Variants in WDR70 observed in about 807,000 individuals in gnomAD.
WDR70 encodes WD repeat-containing protein 70.
A neutral mutation model predicts 88.6 loss-of-function variants in WDR70; 53 were observed. That is an observed-to-expected ratio of 0.60 (90% CI 0.48 to 0.75). The LOEUF (loss-of-function observed/expected upper bound fraction) is 0.75, where lower values mean the gene tolerates loss of function less well. Among genes scored for constraint, WDR70 ranks in the 30% least tolerant of loss-of-function variants. WDR70 has a pLI of 0.00. For synonymous variants in WDR70, 280 were observed against 270.0 expected (o/e 1.04, Z -0.36); for missense variants, 610 against 823.2 (o/e 0.74, Z 3.17).
At chr5:37,668,935 C>G (rs1477615855) in intron 10 of WDR70, among the ~76,000 whole-genome samples, 6 of 152,174 alleles carry the variant, frequency 3.9e-5, no homozygotes, top group Non-Finnish European at 8.8e-5. Context: ...AAGTAGAGAA[C>G]CCTCCTGGAA....
chr5:37,434,790 T>C (rs1750419935), intron 5 of WDR70, among the ~76,000 whole-genome samples: 1 of 152,260 alleles, frequency 6.6e-6, no homozygotes, highest in Admixed American at 6.5e-5. Flanking sequence ...CTCTCTTCCA[T>C]TGGGACTGTA....
chr5:37,415,795 G>T lies in WDR70; in HGVS notation c.492+19225G>T, dbSNP rs1447266075. On this transcript the variant is annotated intron_variant, in intron 5 of 17. Transcript: ENST00000265107. ...CGGAGGGTCTCCTCACTTCTCAGAC[G>T]GGGCGGCCGGGCAGAGACGCTCCTC... Among the ~76,000 whole-genome samples the T allele has an allele frequency of 1.9e-3, 199 of 103,054 alleles. 2 individuals are homozygous for T. Among genetic ancestry groups the T allele is most frequent in the South Asian group, 6.2e-3 (17 of 2,764 alleles). 67.6% of individuals were successfully genotyped at this position (103,054 alleles called of 152,430 possible).
At chr5:37,581,787 A>G (rs1249410346) in intron 9 of WDR70, among the ~76,000 whole-genome samples, 3 of 152,200 alleles carry the variant, frequency 2.0e-5, no homozygotes, top group Admixed American at 2.0e-4. Context: ...AACTATACAC[A>G]GATCTAGAGG....
chr5:37,535,910 A>G (rs1295528713), intron 9 of WDR70, among the ~76,000 whole-genome samples: 1 of 152,238 alleles, frequency 6.6e-6, no homozygotes, highest in Non-Finnish European at 1.5e-5. Flanking sequence ...TGTACACTTT[A>G]TGAATGGTTG....
chr5:37,734,311 G>C (rs888954709), intron 17 of WDR70, among the ~76,000 whole-genome samples: 2 of 151,948 alleles, frequency 1.3e-5, no homozygotes, highest in African/African-American at 4.8e-5. Context: ...TCAAATATCA[G>C]CAGTTTTATA....
chr5:37,564,024 C>T (rs1165741844), intron 9 of WDR70, among the ~76,000 whole-genome samples: 15 of 149,258 alleles, frequency 1.0e-4, no homozygotes, highest in African/African-American at 3.4e-4. Context: ...CGGGCAGAGA[C>T]GCTCCTCACT....
In WDR70 at chr5:37,487,619, A is replaced by G. The variant is rs201867604; in HGVS notation, c.840+7632A>G. Among the ~76,000 whole-genome samples the G allele has an allele frequency of 9.5e-3, 885 of 93,494 alleles. 11 individuals are homozygous for G. The highest frequency in any genetic ancestry group is 0.036 in the African/African-American group (840 of 23,176). The allele number at this position is 93,494 out of a possible 152,430, so 61.3% of individuals were successfully genotyped here. On this transcript the variant is annotated intron_variant, in intron 8 of 17. Coordinates refer to ENST00000265107, the MANE Select transcript of WDR70 (RefSeq NM_018034.4). The stretch of plus-strand genomic sequence containing the variant: ...TATATAAATATATATATATATATAT[A>G]TATATGTATTTTTTTTTTTTTTTTT...
chr5:37,734,183 A>C (rs1358069193), intron 17 of WDR70, among the ~76,000 whole-genome samples: 1 of 152,112 alleles, frequency 6.6e-6, no homozygotes, highest in Non-Finnish European at 1.5e-5. Context: ...GACTGCTGCC[A>C]GAACAATTTA....
intron 6 of WDR70, among the ~76,000 whole-genome samples, chr5:37,442,033 A>ATT (rs545329551): frequency 2.6e-5 from 3 of 116,532 alleles, no homozygotes; most frequent in African/African-American, 9.2e-5. Flanking sequence ...AGGGAAAGCA[A>ATT]TTTTTTTTTT....
At chr5:37,472,095 G>A (rs1371156923) in intron 7 of WDR70, among the ~76,000 whole-genome samples, 2 of 151,748 alleles carry the variant, frequency 1.3e-5, no homozygotes, top group Non-Finnish European at 2.9e-5. Flanking sequence ...TTGCCAGGAG[G>A]TTTTATGAAA....
chr5:37,442,233 C>T (rs1466954686), intron 6 of WDR70, among the ~76,000 whole-genome samples: 3 of 151,836 alleles, frequency 2.0e-5, no homozygotes. Flanking sequence ...GATGGGGTTT[C>T]TCCATGTTGG....
At chr5:37,428,339 A>G (rs1750198794) in intron 5 of WDR70, among the ~76,000 whole-genome samples, 1 of 152,244 alleles carries the variant, frequency 6.6e-6, no homozygotes, top group Non-Finnish European at 1.5e-5. Context: ...AATTTTAAAA[A>G]TGTAAGCATC....
Position 37,381,650 on chromosome 5 carries a change from G to A in WDR70, c.140G>A (p.Arg47Gln), listed in dbSNP as rs772078372. 8.7e-6 allele frequency: 14 copies of A among 1,611,958 alleles called. No homozygotes were observed. The highest frequency in any genetic ancestry group is 1.2e-5 in the Non-Finnish European group (14 of 1,178,524). The change falls in exon 3 of 18, where the codon CGA (arginine) becomes CAA (glutamine). Residue 47 changes from arginine to glutamine, a missense_variant. Around this residue, in one of 4 missense-constraint regions of WDR70, gnomAD observed 203 missense variants for 228.1 expected, o/e 0.89. Transcript: ENST00000265107. ...TTGGAAGCAATGTTTGAACAAACTCGAAGGACAGCTGTGGAAAGAAGTCGC... is the reference window on the plus strand; with the variant it reads ...TTGGAAGCAATGTTTGAACAAACTCAAAGGACAGCTGTGGAAAGAAGTCGC... ...FDLEAMFEQT[R>Q]RTAVERSRKT... is the part of the protein sequence containing the mutation.
intron 9 of WDR70, among the ~76,000 whole-genome samples, chr5:37,516,969 G>T (rs993028943): frequency 6.6e-6 from 1 of 152,010 alleles, no homozygotes; most frequent in Non-Finnish European, 1.5e-5. Context: ...TGATCTGCCT[G>T]CCTCAGCCTC....
At chr5:37,641,561 CAT>C (rs1455495190) in intron 10 of WDR70, among the ~76,000 whole-genome samples, 1 of 151,956 alleles carries the variant, frequency 6.6e-6, no homozygotes, top group African/African-American at 2.4e-5. Flanking sequence ...GGATTACAGA[CAT>C]GTGCCACTAC....
chr5:37,566,563 A>G (rs1742748176), intron 9 of WDR70, among the ~76,000 whole-genome samples: 1 of 152,134 alleles, frequency 6.6e-6, no homozygotes, highest in African/African-American at 2.4e-5. Flanking sequence ...GTTTACTTTT[A>G]AAATAAACTT....
intron 10 of WDR70, among the ~76,000 whole-genome samples, chr5:37,653,105 A>T: frequency 6.6e-6 from 1 of 152,154 alleles, no homozygotes; most frequent in Admixed American, 6.5e-5. Flanking sequence ...TTATTTTGAG[A>T]TACATTTCAT....
At chr5:37,690,125 G>A (rs550339590) in intron 10 of WDR70, among the ~76,000 whole-genome samples, 49 of 152,192 alleles carry the variant, frequency 3.2e-4, no homozygotes, top group East Asian at 1.7e-3. Context: ...ATAGAAGATC[G>A]CATTAATGAA....
chr5:37,380,041 A>G (rs1171387403), intron 2 of WDR70, among the ~76,000 whole-genome samples: 2 of 152,232 alleles, frequency 1.3e-5, no homozygotes, highest in Admixed American at 6.5e-5. Flanking sequence ...TGCCATTTTT[A>G]CCATATCCCT....
Sources: allele counts gnomAD v4.1 joint callset (sites outside exome capture counted in the v4.1 genomes callset), GRCh38; gene constraint gnomAD v4.1.1; regional missense constraint gnomAD v4.1.1; transcripts MANE v1.5; gene names NCBI Gene and HGNC (gene_info 2026-07-23, HGNC 2026-07-21).